The following BTBD8 variants were observed in gnomAD, a reference collection of about 807,000 sequenced individuals.
The protein encoded by BTBD8 is BTB/POZ domain-containing protein 8.
Under a neutral mutation model 162.9 loss-of-function variants are expected in BTBD8, and 110 were observed. The observed-to-expected ratio is 0.68, with a 90% confidence interval of 0.58 to 0.79. The LOEUF (loss-of-function observed/expected upper bound fraction) is 0.79. Ranked by LOEUF, BTBD8 falls within the 30% of genes least tolerant of loss-of-function variation. The pLI, the probability that BTBD8 is intolerant of heterozygous loss-of-function variation, is 0.00. For missense variants in BTBD8, 1,905 were observed against 2,085.4 expected (o/e 0.91, Z 1.68); for synonymous variants, 667 against 716.1 (o/e 0.93, Z 1.10).
chr1:92,129,802 T>G (rs746462835), intron 5 of BTBD8, 26 bp downstream of exon 5: 2 of 1,546,168 alleles, frequency 1.3e-6, no homozygotes, highest in Non-Finnish European at 1.8e-6. Context: ...CAGGGCCATT[T>G]GACTGCAAAT....
chr1:92,178,194 A>G (rs754239400), intron 15 of BTBD8, 118 bp from the exon 16 acceptor site: 17 of 798,208 alleles, frequency 2.1e-5, no homozygotes, highest in Non-Finnish European at 2.9e-5. Context: ...TGATTTTTCT[A>G]TTTTCAGGAG....
intron 8 of BTBD8, among the ~76,000 whole-genome samples, 191 bp downstream of exon 8, chr1:92,147,459 T>G (rs1053120222): frequency 1.3e-5 from 2 of 152,202 alleles, no homozygotes; most frequent in Non-Finnish European, 2.9e-5. Flanking sequence ...TTGGGATCAT[T>G]TTATCTTAGC....
chr1:92,085,604 C>G (rs998971393), intron 1 of BTBD8, among the ~76,000 whole-genome samples: 1 of 151,884 alleles, frequency 6.6e-6, no homozygotes, highest in Non-Finnish European at 1.5e-5. Flanking sequence ...GAGGTGCACA[C>G]CTGTACTCCC....
At position 92,169,031 on chromosome 1, in the gene BTBD8, A is replaced by G. The variant is rs1189379612; in HGVS notation, c.1573+36A>G. The G allele has an allele frequency of 3.4e-6, 5 of 1,478,924 alleles. No individual in the cohort carries two copies. The South Asian group carries it at 6.6e-5, about 20-fold the overall frequency. The allele number at this position is 1,478,924 out of a possible 1,614,324, so 91.6% of individuals were successfully genotyped here. On this transcript the variant is annotated intron_variant, in intron 12 of 17. Coordinates refer to ENST00000636805, the MANE Select transcript of BTBD8 (RefSeq NM_001376131.1). Reference sequence around the variant, plus strand: ...CTTGAGATATTTCAATTCTTATGTAATGATCATTGTGACAGCAGATATTTT... The same window carrying G: ...CTTGAGATATTTCAATTCTTATGTAGTGATCATTGTGACAGCAGATATTTT...
In BTBD8 at chr1:92,176,117, A is replaced by T. The variant is rs554203494; in HGVS notation, c.1636-712A>T. Among the ~76,000 whole-genome samples, 411 of 152,230 alleles carry T rather than the reference A, an allele frequency of 2.7e-3. 2 individuals are homozygous for T. The highest frequency in any genetic ancestry group is 8.5e-3 in the South Asian group (41 of 4,806). The stretch of plus-strand genomic sequence containing the variant: ...GCTTCCTAGGAGCTTTTAAAAAAAA[A>T]TTTTTTTAAATAAGGACTCCAAGAA... On this transcript the variant is annotated intron_variant, in intron 13 of 17. Transcript: ENST00000636805.
At chr1:92,172,892 A>G (rs1441821557) in intron 13 of BTBD8, among the ~76,000 whole-genome samples, 1 of 152,148 alleles carries the variant, frequency 6.6e-6, no homozygotes, top group Non-Finnish European at 1.5e-5. Flanking sequence ...ATCTAGCATC[A>G]ACTATAAGTT....
intron 4 of BTBD8, among the ~76,000 whole-genome samples, chr1:92,120,051 C>T (rs1050961580): frequency 8.6e-5 from 13 of 151,782 alleles, no homozygotes; most frequent in South Asian, 4.2e-4. Context: ...CAGGCATGCA[C>T]CACCACGCCC....
At chr1:92,154,460 T>C (rs1557458676) in intron 9 of BTBD8, among the ~76,000 whole-genome samples, 1 of 152,156 alleles carries the variant, frequency 6.6e-6, no homozygotes, top group Non-Finnish European at 1.5e-5. Flanking sequence ...TCTTTTATTT[T>C]TTTGATCATA....
At chr1:92,092,225 AC>A in intron 2 of BTBD8, among the ~76,000 whole-genome samples, 1 of 151,958 alleles carries the variant, frequency 6.6e-6, no homozygotes, top group South Asian at 2.1e-4. Context: ...ACATGGCAAA[AC>A]CCAGTCTTTA....
chr1:92,106,069 A>C (rs773176207), intron 3 of BTBD8, among the ~76,000 whole-genome samples: 3 of 152,218 alleles, frequency 2.0e-5, no homozygotes, highest in Non-Finnish European at 4.4e-5. Flanking sequence ...CTTCAAATTT[A>C]AGTTAACAGT....
At chr1:92,143,038 A>G (rs1212648896) in intron 7 of BTBD8, among the ~76,000 whole-genome samples, 2 of 152,230 alleles carry the variant, frequency 1.3e-5, no homozygotes, top group African/African-American at 4.8e-5. Flanking sequence ...ATCAGATACA[A>G]TGAAAAGATA....
At chr1:92,094,676 G>A (rs1435927403) in intron 2 of BTBD8, among the ~76,000 whole-genome samples, 1 of 152,156 alleles carries the variant, frequency 6.6e-6, no homozygotes, top group East Asian at 1.9e-4. Flanking sequence ...GTGGAAAGTT[G>A]TGCTTGCTTT....
chr1:92,116,378 A>G (rs1448090040), intron 4 of BTBD8, among the ~76,000 whole-genome samples: 1 of 152,060 alleles, frequency 6.6e-6, no homozygotes, highest in Non-Finnish European at 1.5e-5. Flanking sequence ...AGTTTTATGT[A>G]TCCTTAGCTG....
At position 92,180,944 on chromosome 1, in the gene BTBD8, C is replaced by G; in HGVS notation, c.3261C>G (p.Thr1087=). ...SDNVNSKFYS[T]TALKYMVSNP... ...ATGTAAATTCAAAATTTTATAGCAC[C>G]ACAGCCCTAAAATACATGGTTTCAA... is the stretch of plus-strand genomic sequence containing the variant. Residue 1087 remains threonine, a synonymous_variant, in exon 17 of 18, where the codon ACC becomes ACG. Transcript: ENST00000636805. 6.4e-7 allele frequency: 1 copy of G among 1,551,486 alleles called. No homozygotes were observed. Among genetic ancestry groups the G allele is most frequent in the Non-Finnish European group, 8.7e-7 (1 of 1,146,854 alleles).
intron 16 of BTBD8, among the ~76,000 whole-genome samples, chr1:92,179,032 G>A (rs1281082521): frequency 6.6e-6 from 1 of 152,114 alleles, no homozygotes; most frequent in Non-Finnish European, 1.5e-5. Context: ...GATCACCTGA[G>A]GTCAGGAGTT....
At position 92,080,535 on chromosome 1, in the gene BTBD8, A is replaced by C; in HGVS notation, c.-37A>C. ...CTCCTGGGCGGGGCAAGTGAGGCCA[A>C]GTACTGGGCCTCCAGGGCGTCGTAC... On this transcript the variant is annotated 5_prime_UTR_variant, in exon 1 of 18. Coordinates refer to ENST00000636805, the MANE Select transcript of BTBD8 (RefSeq NM_001376131.1). 6.2e-7 allele frequency: 1 copy of C among 1,607,470 alleles called. No individual in the cohort carries two copies. Among genetic ancestry groups the C allele is most frequent in the Non-Finnish European group, 8.5e-7 (1 of 1,178,158 alleles).
At chr1:92,104,985 G>A (rs1446883299) in intron 3 of BTBD8, among the ~76,000 whole-genome samples, 1 of 150,524 alleles carries the variant, frequency 6.6e-6, no homozygotes, top group Non-Finnish European at 1.5e-5. Flanking sequence ...AGGCTGGAGT[G>A]CCGTGGCACA....
At chr1:92,095,144 T>C (rs1473111072) in intron 2 of BTBD8, among the ~76,000 whole-genome samples, 2 of 152,176 alleles carry the variant, frequency 1.3e-5, no homozygotes, top group African/African-American at 2.4e-5. Flanking sequence ...TATATATCCA[T>C]TCATATATGC....
At chr1:92,082,342 C>T (rs1278670794) in intron 1 of BTBD8, among the ~76,000 whole-genome samples, 1 of 152,296 alleles carries the variant, frequency 6.6e-6, no homozygotes, top group Non-Finnish European at 1.5e-5. Flanking sequence ...GTATCTAGCA[C>T]TGACCACGTA....
Sources: gnomAD v4.1 joint callset for allele counts (sites outside exome capture counted in the v4.1 genomes callset) on GRCh38, gnomAD v4.1.1 for gene constraint, MANE v1.5 for transcripts, NCBI Gene and HGNC (gene_info 2026-07-23, HGNC 2026-07-21) for gene names.